Variants in KIAA0232 observed in about 807,000 individuals in gnomAD.
The protein encoded by KIAA0232 is KIAA0232.
KIAA0232 carries 27 observed loss-of-function variants against 122.0 expected under a neutral mutation model. That is an observed-to-expected ratio of 0.22 (90% confidence interval 0.16 to 0.31). KIAA0232 has a LOEUF of 0.31. Ranked by LOEUF, KIAA0232 falls within the 10% of genes least tolerant of loss-of-function variation. KIAA0232 has a pLI of 1.00. For missense variants in KIAA0232, 1,551 were observed against 1,634.2 expected, an observed-to-expected ratio of 0.95 and a Z score of 0.88; for synonymous variants, 613 against 587.6, an observed-to-expected ratio of 1.04 and a Z score of -0.63.
intron 3 of KIAA0232, among the ~76,000 whole-genome samples, chr4:6,831,047 T>A (rs555399794): frequency 2.6e-5 from 4 of 152,104 alleles, no homozygotes; most frequent in South Asian, 4.1e-4. Context: ...TTTTATTTTT[T>A]AAAATTTATT....
chr4:6,822,844 T>G (rs1471229652), intron 2 of KIAA0232, among the ~76,000 whole-genome samples: 8 of 151,130 alleles, frequency 5.3e-5, no homozygotes, highest in Non-Finnish European at 1.2e-4. Flanking sequence ...TAGTTACATA[T>G]GTATACATGT....
intron 8 of KIAA0232, among the ~76,000 whole-genome samples, chr4:6,874,836 C>T (rs150412986): frequency 9.7e-4 from 147 of 151,846 alleles, no homozygotes; most frequent in East Asian, 9.6e-3. Flanking sequence ...ACTTGAGCAT[C>T]ATGAAGACTA....
intron 8 of KIAA0232, among the ~76,000 whole-genome samples, chr4:6,873,270 G>A (rs752225774): frequency 3.9e-5 from 6 of 152,246 alleles, no homozygotes; most frequent in Non-Finnish European, 8.8e-5. Context: ...AATGTAGGTT[G>A]TGATTCTTGT....
At chr4:6,838,157 C>T (rs1019717377) in intron 3 of KIAA0232, among the ~76,000 whole-genome samples, 1 of 151,460 alleles carries the variant, frequency 6.6e-6, no homozygotes, top group African/African-American at 2.4e-5. Flanking sequence ...AGATCTTACC[C>T]GAACTAGTAA....
At chr4:6,874,516 A>C (rs1415818786) in intron 8 of KIAA0232, among the ~76,000 whole-genome samples, 1 of 152,224 alleles carries the variant, frequency 6.6e-6, no homozygotes, top group East Asian at 1.9e-4. Context: ...AGCAGTCTCC[A>C]CAGCTCACGC....
In KIAA0232 at chr4:6,863,362, G is replaced by A. The variant is rs758153786; in HGVS notation, c.2980G>A (p.Val994Met). The A allele has an allele frequency of 3.9e-5, 63 of 1,614,030 alleles. No individual in the cohort carries two copies. The highest frequency in any genetic ancestry group is 4.8e-5 in the Non-Finnish European group (57 of 1,180,044). The stretch of plus-strand genomic sequence containing the variant: ...GCACAGGCAGTTATGGAAACCCTTC[G>A]TGTCATTTGAACAGAATGATCAGCC... ...PGHRQLWKPF[V>M]SFEQNDQPKS... Residue 994 changes from valine to methionine, a missense_variant, in exon 7 of 10, where the codon GTG becomes ATG. This residue lies in a region of KIAA0232 where 1,108 missense variants were observed against 1,154.8 expected (regional missense o/e 0.96). Transcript: ENST00000307659.
intron 1 of KIAA0232, among the ~76,000 whole-genome samples, chr4:6,795,656 A>C (rs78786277): frequency 0.019 from 2,833 of 152,246 alleles, 93 homozygotes; most frequent in African/African-American, 0.065. Flanking sequence ...GCGGTGGTAC[A>C]TTCACAGCTT....
intron 8 of KIAA0232, 76 bp from the exon 9 acceptor site, chr4:6,876,584 A>T: frequency 9.8e-7 from 1 of 1,016,470 alleles, no homozygotes; most frequent in South Asian, 1.3e-5. Flanking sequence ...TGAAACAAGA[A>T]TGTATGTTTC....
At chr4:6,792,688 T>TTG (rs1318495549) in intron 1 of KIAA0232, among the ~76,000 whole-genome samples, 8 of 124,150 alleles carry the variant, frequency 6.4e-5, no homozygotes, top group Admixed American at 4.7e-4. Context: ...TAGGTTTTTT[T>TTG]TTTTTTGTTT....
chr4:6,799,685 TTTTTTTG>T (rs1011757496), intron 1 of KIAA0232, among the ~76,000 whole-genome samples: 1 of 151,772 alleles, frequency 6.6e-6, no homozygotes, highest in African/African-American at 2.4e-5. Flanking sequence ...ATTAGTTGGG[TTTTTTTG>T]TTTTTTGTTT....
At chr4:6,810,338 C>G (rs1159222799) in intron 2 of KIAA0232, among the ~76,000 whole-genome samples, 2 of 152,142 alleles carry the variant, frequency 1.3e-5, no homozygotes, top group South Asian at 2.1e-4. Context: ...AGGATACCCT[C>G]TTAAAGAAAT....
chr4:6,815,631 ACT>A, intron 2 of KIAA0232, among the ~76,000 whole-genome samples: 1 of 152,228 alleles, frequency 6.6e-6, no homozygotes, highest in Admixed American at 6.5e-5. Context: ...ACTGAAAAGT[ACT>A]GCATAGATGA....
At chr4:6,788,858 C>T (rs1054522552) in intron 1 of KIAA0232, among the ~76,000 whole-genome samples, 3 of 151,930 alleles carry the variant, frequency 2.0e-5, no homozygotes, top group Non-Finnish European at 2.9e-5. Flanking sequence ...TAGGTGGAGA[C>T]GACACTAGTG....
chr4:6,797,082 A>G (rs1432530615), intron 1 of KIAA0232, among the ~76,000 whole-genome samples: 4 of 152,196 alleles, frequency 2.6e-5, no homozygotes, highest in Non-Finnish European at 4.4e-5. Flanking sequence ...TTCTTTAGAC[A>G]TTATACTTTT....
chr4:6,856,626 G>T (rs1043001140), intron 4 of KIAA0232, among the ~76,000 whole-genome samples: 52 of 151,678 alleles, frequency 3.4e-4, no homozygotes, highest in Admixed American at 3.0e-3. Context: ...TGCAATATTG[G>T]CTTCATTTTC....
At position 6,861,266 on chromosome 4, in the gene KIAA0232, C is replaced by T. The variant is rs572109069; in HGVS notation, c.884C>T (p.Ala295Val). 6.2e-7 allele frequency: 1 copy of T among 1,614,118 alleles called. No homozygotes were observed. Among genetic ancestry groups the T allele is most frequent in the East Asian group, 2.2e-5 (1 of 44,886 alleles). Residue 295 changes from alanine to valine, a missense_variant, in exon 7 of 10, where the codon GCA becomes GTA. By Grantham distance (64) the Ala-to-Val change is moderately conservative. This residue lies in a region of KIAA0232 where 377 missense variants were observed against 381.7 expected (regional missense o/e 0.99). Transcript: ENST00000307659. ...PRSWSSGSSEAGSSSSGNQGE... is the reference protein window; with the variant it reads ...PRSWSSGSSEVGSSSSGNQGE... ...TCGTGGTCTTCTGGCTCCAGTGAAGCAGGCTCAAGTTCCAGTGGGAATCAG... is the reference window on the plus strand; with the variant it reads ...TCGTGGTCTTCTGGCTCCAGTGAAGTAGGCTCAAGTTCCAGTGGGAATCAG...
rs1269587301 is a variant in KIAA0232 at position 6,863,505 on chromosome 4, C to G, written c.3123C>G (p.Ser1041=). The G allele has an allele frequency of 1.9e-6, 3 of 1,614,110 alleles. No individual in the cohort carries two copies. Among genetic ancestry groups the G allele is most frequent in the Non-Finnish European group, 2.5e-6 (3 of 1,180,022 alleles). The change falls in exon 7 of 10, where the codon TCC becomes TCG. Residue 1041 remains serine, a synonymous_variant. Transcript: ENST00000307659. ...EDPGLEYSFS[S]FDLSNPFSQV... The stretch of plus-strand genomic sequence containing the variant: ...CTGGACTTGAATACTCATTTTCTTC[C>G]TTTGACTTAAGCAATCCATTTTCAC...
Position 6,880,972 on chromosome 4 carries a change from C to A in KIAA0232, c.*6C>A, listed in dbSNP as rs753953627. 4.1e-6 allele frequency: 6 copies of A among 1,472,714 alleles called. No homozygotes were observed. The African/African-American group carries it at 7.1e-5, about 18-fold the overall frequency. 91.2% of individuals were successfully genotyped at this position (1,472,714 alleles called of 1,614,324 possible). On this transcript the variant is annotated 3_prime_UTR_variant, in exon 10 of 10. Coordinates refer to ENST00000307659, the MANE Select transcript of KIAA0232 (RefSeq NM_014743.3). ...TTTCTCGAACTCATCTCTAAACCTGCAAAATAGTACAAATTATTGTTTAAA... is the reference window on the plus strand; with the variant it reads ...TTTCTCGAACTCATCTCTAAACCTGAAAAATAGTACAAATTATTGTTTAAA...
At chr4:6,831,389 C>G (rs1718973053) in intron 3 of KIAA0232, among the ~76,000 whole-genome samples, 1 of 152,186 alleles carries the variant, frequency 6.6e-6, no homozygotes, top group Non-Finnish European at 1.5e-5. Context: ...TTTTTCTTTG[C>G]AGACCACCTC....
Sources: gnomAD v4.1 joint callset for allele counts (sites outside exome capture counted in the v4.1 genomes callset) on GRCh38, gnomAD v4.1.1 for gene constraint, gnomAD v4.1.1 regional missense constraint, MANE v1.5 for transcripts, NCBI Gene and HGNC (gene_info 2026-07-23, HGNC 2026-07-21) for gene names.